Variants in PPT1 observed in about 807,000 individuals in gnomAD.
The protein encoded by PPT1 is palmitoyl-protein thioesterase 1.
PPT1 carries 24 observed loss-of-function variants against 44.0 expected under a neutral mutation model. The ratio of observed to expected loss-of-function variants is 0.54; its 90% CI spans 0.39 to 0.77. PPT1 has a LOEUF of 0.77. PPT1 is among the 30% of genes least tolerant of loss of function. PPT1 has a pLI of 0.00. For missense variants in PPT1, 341 were observed against 378.8 expected (o/e 0.90, Z 0.83); for synonymous variants, 148 against 140.2 (o/e 1.06, Z -0.39).
intron 6 of PPT1, among the ~76,000 whole-genome samples, chr1:40,079,673 G>T (rs1042280562): frequency 6.6e-6 from 1 of 152,120 alleles, no homozygotes; most frequent in Non-Finnish European, 1.5e-5. Context: ...TGGGATTACA[G>T]GCGTGAGCCA....
rs541526824 is a variant in PPT1, at chr1:40,073,493, T to C, written c.*568A>G. 80 of 156,948 alleles carry C rather than the reference T, an allele frequency of 5.1e-4. No individual in the cohort carries two copies. Among genetic ancestry groups the C allele is most frequent in the Non-Finnish European group, 8.9e-4 (63 of 70,886 alleles). 9.7% of individuals were successfully genotyped at this position (156,948 alleles called of 1,614,324 possible). A position where few individuals can be genotyped will look rare whatever the true frequency, so the allele number is the denominator to read the frequency against. ...AAAGTGGGTGCTGCAGAAGCAAGACTGTAGGCCAGTGGGATTTGTCTAATA... is the reference window on the plus strand; with the variant it reads ...AAAGTGGGTGCTGCAGAAGCAAGACCGTAGGCCAGTGGGATTTGTCTAATA... On this transcript the variant is annotated 3_prime_UTR_variant, in exon 9 of 9. Transcript: ENST00000642050.
chr1:40,078,668 A>T lies in PPT1; in HGVS notation c.628-10T>A, dbSNP rs557560550. 1 of 1,607,164 alleles carries T rather than the reference A, an allele frequency of 6.2e-7. No homozygotes were observed. Among genetic ancestry groups the T allele is most frequent in the South Asian group, 1.1e-5 (1 of 90,932 alleles). On this transcript the variant is annotated splice_polypyrimidine_tract_variant and intron_variant, in intron 6 of 8. Transcript: ENST00000642050. The stretch of plus-strand genomic sequence containing the variant: ...AGGACTCATTGATACCCTGAAAGAA[A>T]GGCCAGCAACACCTAAGGTCATTAC...
downstream of PPT1, chr1:40,072,252 G>GA (rs61352266): frequency 1.0e-2 from 1,603 of 160,554 alleles, 17 homozygotes; most frequent in Admixed American, 0.039. Flanking sequence ...ACTTTAAAAG[G>GA]AAAAAAAAAA....
downstream of PPT1, chr1:40,071,672 C>T (rs1648062408): frequency 3.3e-6 from 2 of 611,274 alleles, no homozygotes; most frequent in Middle Eastern, 8.8e-4. Flanking sequence ...TACCTGCCTT[C>T]ACTGAAATAT....
chr1:40,078,765 T>C (rs1275577667), intron 6 of PPT1, 107 bp from the exon 7 acceptor site: 2 of 932,420 alleles, frequency 2.1e-6, no homozygotes, highest in Non-Finnish European at 3.5e-6. Flanking sequence ...ACTGTGTTTC[T>C]TCCCCATGGG....
chr1:40,077,517 C>T (rs973293051), intron 7 of PPT1, among the ~76,000 whole-genome samples: 5 of 152,230 alleles, frequency 3.3e-5, no homozygotes, highest in African/African-American at 4.8e-5. Flanking sequence ...ATTCTTTCCC[C>T]CAACCATTAA....
chr1:40,094,391 A>G (rs1185822090), intron 1 of PPT1, among the ~76,000 whole-genome samples: 1 of 152,144 alleles, frequency 6.6e-6, no homozygotes, highest in Non-Finnish European at 1.5e-5. Flanking sequence ...GACAGGAGGT[A>G]GAGCTCATGG....
At chr1:40,074,525 T>C (rs1157245024) in intron 8 of PPT1, among the ~76,000 whole-genome samples, 2 of 150,900 alleles carry the variant, frequency 1.3e-5, no homozygotes, top group Admixed American at 6.6e-5. Context: ...TGGAGTGCAG[T>C]GGTGCGATCT....
At chr1:40,079,696 T>G (rs980840990) in intron 6 of PPT1, among the ~76,000 whole-genome samples, 4 of 152,164 alleles carry the variant, frequency 2.6e-5, no homozygotes, top group Admixed American at 2.0e-4. Flanking sequence ...ACGCCCGGCC[T>G]TCTATAGGCT....
At chr1:40,087,011 C>T (rs1057056523) in intron 5 of PPT1, among the ~76,000 whole-genome samples, 2 of 152,044 alleles carry the variant, frequency 1.3e-5, no homozygotes, top group African/African-American at 4.8e-5. Flanking sequence ...AATGATTTCT[C>T]TTTATTACTT....
At chr1:40,084,787 C>T (rs989471723) in intron 5 of PPT1, among the ~76,000 whole-genome samples, 1 of 152,196 alleles carries the variant, frequency 6.6e-6, no homozygotes, top group Admixed American at 6.5e-5. Flanking sequence ...AAAAGCCAGG[C>T]CATACAGAGA....
rs11464192 is a variant in PPT1, at chr1:40,079,392, C to CTTTT, written c.628-738_628-735dup. ...ATTGCTTACACAGCCTTTTCTTTTC[C>CTTTT]TTTTTTTTTTTTTTTTTTTTTTGAG... On this transcript the variant is annotated intron_variant, in intron 6 of 8. Coordinates refer to ENST00000642050, the MANE Select transcript of PPT1 (RefSeq NM_000310.4). Among the ~76,000 whole-genome samples the CTTTT allele has an allele frequency of 2.3e-3, 210 of 90,072 alleles. 2 individuals carry two copies. Among genetic ancestry groups the CTTTT allele is most frequent in the African/African-American group, 2.7e-3 (60 of 21,982 alleles). The allele number at this position is 90,072 out of a possible 152,430, so 59.1% of individuals were successfully genotyped here. A position where few individuals can be genotyped will look rare whatever the true frequency, so the allele number is the denominator to read the frequency against.
At chr1:40,074,420 T>G (rs1648484010) in intron 8 of PPT1, among the ~76,000 whole-genome samples, 1 of 108,436 alleles carries the variant, frequency 9.2e-6, no homozygotes, top group Non-Finnish European at 1.8e-5. Flanking sequence ...CCCCTCCTCC[T>G]GTCCCCCCCG....
At chr1:40,080,144 G>A (rs939743922) in intron 6 of PPT1, among the ~76,000 whole-genome samples, 1 of 152,164 alleles carries the variant, frequency 6.6e-6, no homozygotes, top group African/African-American at 2.4e-5. Flanking sequence ...CGCCCAGTCA[G>A]CAACCTGCCG....
At chr1:40,080,268 A>G (rs1648851602) in intron 6 of PPT1, 129 bp downstream of exon 6, 10 of 1,020,446 alleles carry the variant, frequency 9.8e-6, no homozygotes, top group South Asian at 1.3e-5. Context: ...GCCTCCCAAA[A>G]AAAACAGAAC....
chr1:40,096,944 G>A, intron 1 of PPT1, 171 bp downstream of exon 1: 1 of 1,202,074 alleles, frequency 8.3e-7, no homozygotes. Context: ...GAAGGGGACG[G>A]CTCCTTCCCC....
intron 6 of PPT1, 139 bp downstream of exon 6, chr1:40,080,258 G>C: frequency 2.2e-6 from 2 of 889,104 alleles, no homozygotes; most frequent in Non-Finnish European, 3.8e-6. Context: ...CAAAGGCCCT[G>C]CCTCCCAAAA....
chr1:40,079,546 G>A (rs984191007), intron 6 of PPT1, among the ~76,000 whole-genome samples: 1 of 151,884 alleles, frequency 6.6e-6, no homozygotes, highest in Admixed American at 6.6e-5. Context: ...ACAGGTGATC[G>A]CCACCACATC....
intron 8 of PPT1, chr1:40,076,552 A>C: frequency 1.0e-6 from 1 of 958,202 alleles, no homozygotes; most frequent in Non-Finnish European, 1.2e-6. Flanking sequence ...AGCTAGTTTT[A>C]AAACCTTTTT....
Sources: allele counts gnomAD v4.1 joint callset (sites outside exome capture counted in the v4.1 genomes callset), GRCh38; gene constraint gnomAD v4.1.1; transcripts MANE v1.5; gene names NCBI Gene and HGNC (gene_info 2026-07-23, HGNC 2026-07-21).